The following TYW1 variants were observed in gnomAD, a reference collection of about 807,000 sequenced individuals.
The protein encoded by TYW1 is tRNA-yW synthesizing protein 1 homolog, also known as S-adenosyl-L-methionine-dependent tRNA 4-demethylwyosine synthase TYW1.
TYW1 carries 46 observed loss-of-function variants against 96.2 expected under a neutral mutation model. That is an observed-to-expected ratio of 0.48 (90% confidence interval 0.38 to 0.61). The LOEUF is 0.61. TYW1 is among the 20% of genes least tolerant of loss of function. TYW1 has a pLI of 0.00. For missense variants in TYW1, 684 were observed against 909.6 expected (o/e 0.75, Z 3.19); for synonymous variants, 274 against 323.0 (o/e 0.85, Z 1.63).
At chr7:67,097,252 A>G (rs1016617240) in intron 11 of TYW1, among the ~76,000 whole-genome samples, 3 of 152,172 alleles carry the variant, frequency 2.0e-5, no homozygotes, top group Non-Finnish European at 4.4e-5. Context: ...TCCAATGTGC[A>G]GACAGGTTGG....
intron 11 of TYW1, among the ~76,000 whole-genome samples, chr7:67,091,786 T>A (rs1486460981): frequency 2.6e-5 from 4 of 152,202 alleles, no homozygotes; most frequent in African/African-American, 9.6e-5. Flanking sequence ...AGAATCAGGA[T>A]AACTTTAAAA....
chr7:67,143,054 C>CAAA (rs35144189), intron 13 of TYW1, among the ~76,000 whole-genome samples: 36,236 of 135,624 alleles, frequency 0.27, 4,826 homozygotes, highest in African/African-American at 0.38. Flanking sequence ...AACTCCATCT[C>CAAA]AAAAAAAAAA....
chr7:67,169,857 A>T (rs1225535187), intron 13 of TYW1, among the ~76,000 whole-genome samples: 2 of 152,202 alleles, frequency 1.3e-5, no homozygotes, highest in Non-Finnish European at 1.5e-5. Context: ...TTTAGTGTGA[A>T]TATATGTTTC....
Position 67,017,892 on chromosome 7 carries a change from G to A in TYW1, c.610G>A (p.Ala204Thr), listed in dbSNP as rs1301240305. ...NVDKWLWMLGAHRVMSRGEGD... is the reference protein window; with the variant it reads ...NVDKWLWMLGTHRVMSRGEGD... ...TGACAAGTGGCTCTGGATGCTTGGC[G>A]CGCATCGTGTGATGAGTCGAGGGGA... The change falls in exon 6 of 16, where the codon GCG (alanine) becomes ACG (threonine). Residue 204 changes from alanine (A) to threonine (T), a missense_variant. Ala to Thr is a moderately conservative substitution (Grantham distance 58). Transcript: ENST00000359626. 6.2e-6 allele frequency: 10 copies of A among 1,613,970 alleles called. No homozygotes were observed. Among genetic ancestry groups the A allele is most frequent in the Admixed American group, 1.7e-5 (1 of 59,988 alleles).
In TYW1 at chr7:67,039,939, G is replaced by C. The variant is rs562619960; in HGVS notation, c.985-10010G>C. Among the ~76,000 whole-genome samples, 143 of 148,638 alleles carry C rather than the reference G, an allele frequency of 9.6e-4. 1 individual carries two copies. The highest frequency in any genetic ancestry group is 1.7e-3 in the Non-Finnish European group (117 of 67,228). Reference sequence around the variant, plus strand: ...GCCTCCCAAAGTCCTGGGATTACAAGCATGAGCCACCATGCCTGGTCTATT... The same window carrying C: ...GCCTCCCAAAGTCCTGGGATTACAACCATGAGCCACCATGCCTGGTCTATT... On this transcript the variant is annotated intron_variant, in intron 7 of 15. Transcript: ENST00000359626.
rs530040623 is a variant in TYW1, at chr7:67,047,827, G to A, written c.985-2122G>A. ...TTTTTTTTGAGGCAGAGTCTCTGTC[G>A]CCCAGGCTGGAGTGCAGTGGCACAG... is the stretch of plus-strand genomic sequence containing the variant. On this transcript the variant is annotated intron_variant, in intron 7 of 15. Coordinates refer to ENST00000359626, the MANE Select transcript of TYW1 (RefSeq NM_018264.4). Among the ~76,000 whole-genome samples the A allele has an allele frequency of 2.2e-3, 267 of 124,020 alleles. 1 individual carries two copies. The highest frequency in any genetic ancestry group is 7.7e-3 in the African/African-American group (253 of 32,760). The allele number at this position is 124,020 out of a possible 152,430, so 81.4% of individuals were successfully genotyped here.
chr7:67,061,609 C>T (rs1028468960), intron 9 of TYW1, among the ~76,000 whole-genome samples: 62 of 152,266 alleles, frequency 4.1e-4, no homozygotes, highest in Non-Finnish European at 6.6e-4. Flanking sequence ...ATTCAATGCA[C>T]ATTTTCAAAT....
chr7:67,222,866 CT>C (rs570972265), intron 15 of TYW1, among the ~76,000 whole-genome samples: 33,838 of 109,446 alleles, frequency 0.31, 3,703 homozygotes, highest in Middle Eastern at 0.41. Flanking sequence ...CGCTTTTTTT[CT>C]TTTTTTTTTT....
intron 15 of TYW1, among the ~76,000 whole-genome samples, chr7:67,219,511 G>T (rs1801311873): frequency 6.6e-6 from 1 of 152,134 alleles, no homozygotes. Context: ...AAGCCATCAG[G>T]TCCAGGGCTA....
intron 13 of TYW1, among the ~76,000 whole-genome samples, chr7:67,163,668 AT>A (rs3980764): frequency 1.5e-3 from 215 of 140,826 alleles, no homozygotes; most frequent in East Asian, 1.4e-3. Flanking sequence ...AAGCAGGAGA[AT>A]TTTTTTTTTT....
At chr7:67,212,246 C>CT (rs1239113607) in intron 15 of TYW1, among the ~76,000 whole-genome samples, 2,368 of 128,704 alleles carry the variant, frequency 0.018, 31 homozygotes, top group Admixed American at 0.051. Context: ...TGGCTTCTTT[C>CT]TTTTTTTTTT....
rs34475001 is a variant in TYW1, at chr7:67,006,948, C to CTTT, written c.274-2608_274-2606dup. Among the ~76,000 whole-genome samples, 7 of 45,142 alleles carry CTTT rather than the reference C, an allele frequency of 1.6e-4. 1 individual carries two copies. The highest frequency in any genetic ancestry group is 1.5e-3 in the East Asian group (2 of 1,300). The allele number at this position is 45,142 out of a possible 152,430, so 29.6% of individuals were successfully genotyped here. A position where few individuals can be genotyped will look rare whatever the true frequency, so the allele number is the denominator to read the frequency against. On this transcript the variant is annotated intron_variant, in intron 3 of 15. Transcript: ENST00000359626. Reference sequence around the variant, plus strand: ...CAAAACAGTAGGGAGAGATGTGAGGCTTTTTTTTTTTTTTTTTTTTTTTTT... The same window carrying CTTT: ...CAAAACAGTAGGGAGAGATGTGAGGCTTTTTTTTTTTTTTTTTTTTTTTTTTTT...
intron 13 of TYW1, among the ~76,000 whole-genome samples, chr7:67,179,729 A>G (rs1291029009): frequency 2.8e-5 from 4 of 142,558 alleles, no homozygotes; most frequent in Non-Finnish European, 6.1e-5. Flanking sequence ...CATTGGAATT[A>G]CATTATATTT....
chr7:67,005,083 A>C (rs1036799990), intron 3 of TYW1, among the ~76,000 whole-genome samples: 1 of 152,048 alleles, frequency 6.6e-6, no homozygotes, highest in Non-Finnish European at 1.5e-5. Flanking sequence ...AAGAATGCTC[A>C]ATATAGGCCC....
At chr7:67,033,489 G>C (rs1395607883) in intron 7 of TYW1, among the ~76,000 whole-genome samples, 1 of 152,186 alleles carries the variant, frequency 6.6e-6, no homozygotes, top group Admixed American at 6.6e-5. Context: ...GAGGGCGGGG[G>C]ATACAGAGCA....
chr7:67,087,169 T>C (rs1796574125), intron 11 of TYW1, among the ~76,000 whole-genome samples: 1 of 152,328 alleles, frequency 6.6e-6, no homozygotes, highest in East Asian at 1.9e-4. Flanking sequence ...AAATATGTAA[T>C]GAATAAACCA....
At chr7:67,149,736 A>ATCTATCTG (rs1563041576) in intron 13 of TYW1, among the ~76,000 whole-genome samples, 1 of 120,678 alleles carries the variant, frequency 8.3e-6, no homozygotes, top group African/African-American at 3.5e-5. Flanking sequence ...CTATCTATCT[A>ATCTATCTG]TCTATCTATC....
chr7:67,234,487 C>T (rs1161116589), intron 15 of TYW1, among the ~76,000 whole-genome samples: 1 of 152,080 alleles, frequency 6.6e-6, no homozygotes, highest in East Asian at 1.9e-4. Flanking sequence ...GGAAGAGAGC[C>T]CTCACCAGAA....
At chr7:67,129,968 T>A (rs1384305777) in intron 13 of TYW1, among the ~76,000 whole-genome samples, 1 of 152,232 alleles carries the variant, frequency 6.6e-6, no homozygotes, top group East Asian at 1.9e-4. Context: ...ACAGATTTGA[T>A]AAGCTATCAT....
Sources: allele counts gnomAD v4.1 joint callset (sites outside exome capture counted in the v4.1 genomes callset), GRCh38; gene constraint gnomAD v4.1.1; transcripts MANE v1.5; gene names NCBI Gene and HGNC (gene_info 2026-07-23, HGNC 2026-07-21).